The following HAGH variants were observed in gnomAD, a reference collection of about 807,000 sequenced individuals.
HAGH encodes hydroxyacylglutathione hydrolase, also known as hydroxyacylglutathione hydrolase, mitochondrial.
In HAGH, 29 loss-of-function variants were observed where a neutral mutation model predicts 35.1. The ratio of observed to expected loss-of-function variants is 0.83; its 90% CI spans 0.62 to 1.13. The LOEUF (loss-of-function observed/expected upper bound fraction) is 1.13, where lower values mean the gene tolerates loss of function less well. Among genes scored for constraint, HAGH ranks in the 50% most tolerant of loss-of-function variants. The probability of loss-of-function intolerance (pLI) is 0.00; values close to 1 mark genes in which losing one functional copy is unlikely to be tolerated. For missense variants in HAGH, 478 were observed against 419.6 expected (o/e 1.14, Z -1.22); for synonymous variants, 225 against 176.1 (o/e 1.28, Z -2.20).
At chr16:1,819,712 G>C (rs1898057778) in intron 4 of HAGH, 185 bp downstream of exon 4, 1 of 622,684 alleles carries the variant, frequency 1.6e-6, no homozygotes, top group African/African-American at 1.8e-5. Flanking sequence ...CCCGCACACA[G>C]CCGCGTTTTG....
At position 1,809,348 on chromosome 16, in the gene HAGH, C is replaced by G; in HGVS notation, c.862G>C (p.Asp288His). Residue 288 changes from aspartate to histidine, a missense_variant, in exon 9 of 9, where the codon GAC becomes CAC. Transcript: ENST00000397356. ...KTVQQHAGET[D>H]PVTTMRAVRR... ...ACGGCCCGCATGGTGGTCACCGGGT[C>G]CGTCTCACCTGCGTGCTGCTGCACC... is the stretch of plus-strand genomic sequence containing the variant. 2 of 1,613,332 alleles carry G rather than the reference C, an allele frequency of 1.2e-6. No homozygotes were observed. The highest frequency in any genetic ancestry group is 1.7e-6 in the Non-Finnish European group (2 of 1,179,936).
At chr16:1,824,874 C>T (rs1898325409) in intron 1 of HAGH, among the ~76,000 whole-genome samples, 1 of 152,190 alleles carries the variant, frequency 6.6e-6, no homozygotes, top group Non-Finnish European at 1.5e-5. Context: ...TTCCCCTTAG[C>T]CTCAGCACCA....
chr16:1,818,312 G>T (rs57120036), intron 5 of HAGH, among the ~76,000 whole-genome samples: 1 of 152,036 alleles, frequency 6.6e-6, no homozygotes, highest in African/African-American at 2.4e-5. Context: ...CCAGCCCTGC[G>T]CACTGCAGCC....
rs200846963 is a variant in HAGH at position 1,823,063 on chromosome 16, G to A, written c.77-26C>T. 62 of 1,609,294 alleles carry A rather than the reference G, an allele frequency of 3.9e-5. No homozygotes were observed. The East Asian group carries it at 8.7e-4, about 23-fold the overall frequency. ...CTGCAGACACAGAGCACAACTCAGC[G>A]GGCAGCCGCGCCAGGCCCTCCACGA... On this transcript the variant is annotated intron_variant, in intron 1 of 8. Transcript: ENST00000397356.
At chr16:1,823,744 T>TAAAAAAAAA (rs71145496) in intron 1 of HAGH, among the ~76,000 whole-genome samples, 1 of 55,916 alleles carries the variant, frequency 1.8e-5, no homozygotes, top group African/African-American at 8.0e-5. Flanking sequence ...ACCTGTTCCT[T>TAAAAAAAAA]AAAAAAAAAA....
rs911164726 is a variant in HAGH, at chr16:1,808,834, T to G, written c.*449A>C. Reference sequence around the variant, plus strand: ...GGAGCACTGCCTGGAGGTCGCGCGATCTGGCCGCCTCCAGGAAGAAGACGC... The same window carrying G: ...GGAGCACTGCCTGGAGGTCGCGCGAGCTGGCCGCCTCCAGGAAGAAGACGC... On this transcript the variant is annotated 3_prime_UTR_variant, in exon 9 of 9. Coordinates refer to ENST00000397356, the MANE Select transcript of HAGH (RefSeq NM_005326.6). 6.4e-6 allele frequency: 1 copy of G among 156,112 alleles called. No homozygotes were observed. The highest frequency in any genetic ancestry group is 1.4e-5 in the Non-Finnish European group (1 of 70,910). The allele number at this position is 156,112 out of a possible 1,614,324, so 9.7% of individuals were successfully genotyped here.
chr16:1,816,836 G>A, intron 7 of HAGH, 57 bp downstream of exon 7: 2 of 1,090,850 alleles, frequency 1.8e-6, no homozygotes, highest in Non-Finnish European at 2.8e-6. Context: ...ACCCCGCTGT[G>A]CACAGCGGCC....
At chr16:1,820,138 C>A in intron 3 of HAGH, 124 bp from the exon 4 acceptor site, 1 of 714,656 alleles carries the variant, frequency 1.4e-6, no homozygotes, top group Non-Finnish European at 2.5e-6. Flanking sequence ...AAACGCAACA[C>A]TTATTTTCCA....
At chr16:1,809,887 G>A (rs1897561494) in intron 7 of HAGH, 54 bp from the exon 8 acceptor site, 2 of 1,324,094 alleles carry the variant, frequency 1.5e-6, no homozygotes, top group Non-Finnish European at 2.2e-6. Context: ...TGGCAGACCA[G>A]GCACGGAGGC....
chr16:1,817,643 G>A (rs112977077), intron 5 of HAGH, among the ~76,000 whole-genome samples: 3 of 152,248 alleles, frequency 2.0e-5, no homozygotes, highest in South Asian at 2.1e-4. Flanking sequence ...AGCAGCCAGC[G>A]CCACCCTGTG....
chr16:1,809,452 G>T, intron 8 of HAGH, 70 bp from the exon 9 acceptor site: 1 of 1,287,874 alleles, frequency 7.8e-7, no homozygotes, highest in Non-Finnish European at 1.1e-6. Context: ...GGCCACTGCA[G>T]AGGAAGGCGA....
chr16:1,822,785 T>G, intron 2 of HAGH, 80 bp downstream of exon 2: 2 of 1,214,852 alleles, frequency 1.6e-6, no homozygotes, highest in Admixed American at 1.7e-5. Flanking sequence ...GCAAGGACAC[T>G]GCGGTTAGGA....
At chr16:1,810,052 C>G in intron 7 of HAGH, 1 of 564,784 alleles carries the variant, frequency 1.8e-6, no homozygotes, top group Non-Finnish European at 3.2e-6. Flanking sequence ...GTGGTCCCAG[C>G]TACTCAGGGG....
At chr16:1,823,951 C>G (rs1898276112) in intron 1 of HAGH, among the ~76,000 whole-genome samples, 1 of 152,042 alleles carries the variant, frequency 6.6e-6, no homozygotes, top group African/African-American at 2.4e-5. Context: ...ATTCACACCC[C>G]GGACTCAGGG....
intron 3 of HAGH, chr16:1,821,726 C>T (rs2268669): frequency 0.13 from 19,399 of 152,316 alleles, 1,268 homozygotes; most frequent in South Asian, 0.15. Context: ...CTCCGCCTCC[C>T]GGGTTCAAGT....
intron 1 of HAGH, among the ~76,000 whole-genome samples, chr16:1,823,249 T>G (rs910760300): frequency 6.6e-6 from 1 of 150,650 alleles, no homozygotes; most frequent in Admixed American, 6.6e-5. Flanking sequence ...CTGGGCAACA[T>G]AGCAAGACCT....
rs181779850 is a variant in HAGH at position 1,813,640 on chromosome 16, G to C, written c.747+3253C>G. Among the ~76,000 whole-genome samples, 9 of 152,300 alleles carry C rather than the reference G, an allele frequency of 5.9e-5. 1 individual carries two copies. In the South Asian group the frequency reaches 1.9e-3, roughly 32 times the overall value. Reference sequence around the variant, plus strand: ...ACTCAATGTTAAGATCGCAATTCTCGCCACATCAGTTATCACAACAGTCCC... The same window carrying C: ...ACTCAATGTTAAGATCGCAATTCTCCCCACATCAGTTATCACAACAGTCCC... On this transcript the variant is annotated intron_variant, in intron 7 of 8. Transcript: ENST00000397356.
At chr16:1,819,020 A>C in intron 5 of HAGH, 95 bp downstream of exon 5, 1 of 759,226 alleles carries the variant, frequency 1.3e-6, no homozygotes, top group East Asian at 2.7e-5. Flanking sequence ...CCGGTGCAAC[A>C]GAGAAGGCCA....
At chr16:1,811,890 A>G (rs1159353109) in intron 7 of HAGH, among the ~76,000 whole-genome samples, 1 of 151,680 alleles carries the variant, frequency 6.6e-6, no homozygotes, top group African/African-American at 2.4e-5. Context: ...TATATTTTAC[A>G]CCTATCAAAA....
Sources: allele counts gnomAD v4.1 joint callset (sites outside exome capture counted in the v4.1 genomes callset), GRCh38; gene constraint gnomAD v4.1.1; transcripts MANE v1.5; gene names NCBI Gene and HGNC (gene_info 2026-07-23, HGNC 2026-07-21).